Variants in PRIM2 observed in about 807,000 individuals in gnomAD.
PRIM2 encodes DNA primase large subunit.
Under a neutral mutation model 67.3 loss-of-function variants are expected in PRIM2, and 39 were observed. The ratio of observed to expected loss-of-function variants is 0.58; its 90% CI spans 0.45 to 0.76. The LOEUF (loss-of-function observed/expected upper bound fraction) is 0.76. Among genes scored for constraint, PRIM2 ranks in the 30% least tolerant of loss-of-function variants. The pLI, the probability that PRIM2 is intolerant of heterozygous loss-of-function variation, is 0.00. For synonymous variants in PRIM2, 143 were observed against 198.7 expected, an observed-to-expected ratio of 0.72 and a Z score of 2.36; for missense variants, 398 against 598.7, an observed-to-expected ratio of 0.66 and a Z score of 3.50.
chr6:57,300,714 G>T, the PRIM2 span, among the ~76,000 whole-genome samples: 3 of 152,076 alleles, frequency 2.0e-5, no homozygotes, highest in African/African-American at 7.2e-5. Flanking sequence ...CGTAGTTCTG[G>T]TTTGGCCTTT....
the PRIM2 span, among the ~76,000 whole-genome samples, chr6:57,259,632 A>C: frequency 6.6e-6 from 1 of 152,106 alleles, no homozygotes; most frequent in Non-Finnish European, 1.5e-5. Context: ...ACTGAGATAT[A>C]CTTCACCTTT....
At chr6:57,451,904 G>A (rs1023042465) in intron 7 of PRIM2, among the ~76,000 whole-genome samples, 2 of 151,328 alleles carry the variant, frequency 1.3e-5, no homozygotes, top group African/African-American at 4.9e-5. Context: ...TTAACATTAG[G>A]TATATCTCCA....
chr6:57,456,788 T>C (rs1174390888), intron 7 of PRIM2, among the ~76,000 whole-genome samples: 1 of 152,176 alleles, frequency 6.6e-6, no homozygotes, highest in African/African-American at 2.4e-5. Flanking sequence ...TTTCTCAACT[T>C]GTCAAAGTCA....
chr6:57,419,044 T>A (rs2127370287), intron 7 of PRIM2, among the ~76,000 whole-genome samples: 1 of 152,342 alleles, frequency 6.6e-6, no homozygotes, highest in Non-Finnish European at 1.5e-5. Flanking sequence ...AATTAAATAT[T>A]TGATGTGAAT....
chr6:57,334,735 T>C (rs578202139), intron 5 of PRIM2, among the ~76,000 whole-genome samples: 35 of 152,284 alleles, frequency 2.3e-4, no homozygotes, highest in Admixed American at 6.5e-5. Flanking sequence ...TATAGAGTGC[T>C]TAGTACTGTG....
At chr6:57,344,284 GT>G (rs1768597274) in intron 5 of PRIM2, among the ~76,000 whole-genome samples, 1 of 151,770 alleles carries the variant, frequency 6.6e-6, no homozygotes, top group Non-Finnish European at 1.5e-5. Context: ...TCTCAATTCT[GT>G]TTCATAAACA....
intron 7 of PRIM2, among the ~76,000 whole-genome samples, chr6:57,385,949 T>G (rs529639228): frequency 1.4e-3 from 206 of 151,184 alleles, no homozygotes; most frequent in Non-Finnish European, 2.6e-3. Flanking sequence ...TTTTTTTTTT[T>G]GGTTATCACA....
At chr6:57,544,299 T>C (rs1581981345) in intron 10 of PRIM2, among the ~76,000 whole-genome samples, 1 of 150,630 alleles carries the variant, frequency 6.6e-6, no homozygotes, top group Admixed American at 6.6e-5. Flanking sequence ...GGAGGGGAGG[T>C]TATCTCGGGG....
chr6:57,360,782 AC>A (rs1342405053), intron 5 of PRIM2, among the ~76,000 whole-genome samples: 2 of 152,220 alleles, frequency 1.3e-5, no homozygotes, highest in African/African-American at 4.8e-5. Context: ...ATTTCTCTCT[AC>A]AAAATAGAAA....
the PRIM2 span, among the ~76,000 whole-genome samples, chr6:57,240,091 G>GTTTTTT: frequency 5.9e-4 from 53 of 89,992 alleles, 1 homozygote; most frequent in African/African-American, 2.3e-3. Context: ...TCAATAATCT[G>GTTTTTT]TTTTTTTTTT....
At chr6:57,291,629 A>G in the PRIM2 span, among the ~76,000 whole-genome samples, 1 of 152,220 alleles carries the variant, frequency 6.6e-6, no homozygotes, top group Non-Finnish European at 1.5e-5. Context: ...CCAGCAGCAC[A>G]TCAAAAAGCT....
At chr6:57,312,505 A>G (rs1424104029), upstream of PRIM2, among the ~76,000 whole-genome samples, 3 of 152,198 alleles carry the variant, frequency 2.0e-5, no homozygotes, top group Admixed American at 1.3e-4. Context: ...TCTTGAAAAA[A>G]CAAATGAACA....
intron 7 of PRIM2, among the ~76,000 whole-genome samples, chr6:57,456,774 T>G (rs1164457369): frequency 2.0e-5 from 3 of 152,214 alleles, no homozygotes; most frequent in Admixed American, 2.0e-4. Context: ...ATCTGAAGCC[T>G]TCTTTTCTCA....
At chr6:57,439,514 C>G (rs1178937799) in intron 7 of PRIM2, among the ~76,000 whole-genome samples, 1 of 136,666 alleles carries the variant, frequency 7.3e-6, no homozygotes, top group Non-Finnish European at 1.5e-5. Context: ...CTTCTGGGTT[C>G]TAGCAATTCT....
At chr6:57,489,075 AAG>A (rs1203644501) in intron 7 of PRIM2, among the ~76,000 whole-genome samples, 1 of 152,254 alleles carries the variant, frequency 6.6e-6, no homozygotes, top group Non-Finnish European at 1.5e-5. Flanking sequence ...GTGGCTGTGC[AAG>A]GGGCCACAGG....
chr6:57,641,162 G>A (rs1434138746), intron 13 of PRIM2, among the ~76,000 whole-genome samples: 1 of 152,000 alleles, frequency 6.6e-6, no homozygotes, highest in East Asian at 1.9e-4. Flanking sequence ...TTAATAAATA[G>A]TTTTGAAAAA....
chr6:57,358,675 C>T (rs1317905326), intron 5 of PRIM2, among the ~76,000 whole-genome samples: 2 of 152,026 alleles, frequency 1.3e-5, no homozygotes, highest in Non-Finnish European at 2.9e-5. Flanking sequence ...AATTTATGGT[C>T]TTTAAGAATG....
chr6:57,502,213 C>T (rs1554346930), intron 7 of PRIM2, among the ~76,000 whole-genome samples: 1 of 152,162 alleles, frequency 6.6e-6, no homozygotes, highest in Non-Finnish European at 1.5e-5. Flanking sequence ...AATGGGAGGT[C>T]AGACATGCCT....
At chr6:57,495,163 A>G (rs1187816510) in intron 7 of PRIM2, among the ~76,000 whole-genome samples, 2 of 152,244 alleles carry the variant, frequency 1.3e-5, no homozygotes, top group Non-Finnish European at 2.9e-5. Context: ...TAGTAGAGCA[A>G]CAAAATTATG....
Sources: allele counts gnomAD v4.1 joint callset (sites outside exome capture counted in the v4.1 genomes callset), GRCh38; gene constraint gnomAD v4.1.1; transcripts MANE v1.5; gene names NCBI Gene and HGNC (gene_info 2026-07-23, HGNC 2026-07-21).